Variants in ERCC6L2 observed in about 807,000 individuals in gnomAD.
The protein encoded by ERCC6L2 is ERCC excision repair 6 like 2.
A neutral mutation model predicts 132.0 loss-of-function variants in ERCC6L2; 77 were observed. That is an observed-to-expected ratio of 0.58 (90% confidence interval 0.49 to 0.71). ERCC6L2 has a LOEUF of 0.71. ERCC6L2 is among the 30% of genes least tolerant of loss of function. The pLI, the probability that ERCC6L2 is intolerant of heterozygous loss-of-function variation, is 0.00. For missense variants in ERCC6L2, 1,542 were observed against 1,837.6 expected (o/e 0.84, Z 2.94); for synonymous variants, 583 against 632.4 (o/e 0.92, Z 1.17).
chr9:95,918,254 GA>G, intron 6 of ERCC6L2: 4 of 438,464 alleles, frequency 9.1e-6, no homozygotes, highest in Admixed American at 2.4e-5. Flanking sequence ...GGTCTGGCTG[GA>G]AAAGACCCAC....
chr9:95,970,532 C>T (rs1832366471), intron 14 of ERCC6L2, 44 bp from the exon 15 acceptor site: 2 of 1,194,210 alleles, frequency 1.7e-6, no homozygotes. Context: ...TTGCTACCCC[C>T]TGTGTTGCAT....
Position 95,915,788 on chromosome 9 carries a change from C to T in ERCC6L2, c.909C>T (p.Ile303=), listed in dbSNP as rs921957617. The change falls in exon 5 of 19, where the codon ATC becomes ATT. Residue 303 remains isoleucine, a synonymous_variant. Transcript: ENST00000653738. ...TCCGCATTGGCCTCACTGGAACCATCCTTCAGAACAACATGAAGGAACTGT... is the reference window on the plus strand; with the variant it reads ...TCCGCATTGGCCTCACTGGAACCATTCTTCAGAACAACATGAAGGAACTGT... ...CNVRIGLTGT[I]LQNNMKELWC... is the part of the protein sequence containing the mutation. The T allele has an allele frequency of 6.2e-7, 1 of 1,613,198 alleles. No homozygotes were observed. Among genetic ancestry groups the T allele is most frequent in the South Asian group, 1.1e-5 (1 of 90,874 alleles).
intron 1 of ERCC6L2, chr9:95,877,029 G>A (rs1827309529): frequency 1.3e-5 from 2 of 152,236 alleles, no homozygotes; most frequent in Admixed American, 6.5e-5. Context: ...GGGCCCCGAG[G>A]TGGGAACACC....
intron 16 of ERCC6L2, among the ~76,000 whole-genome samples, chr9:95,973,753 G>A (rs1444702802): frequency 6.6e-6 from 1 of 152,048 alleles, no homozygotes; most frequent in Non-Finnish European, 1.5e-5. Context: ...ATTTGAGTGG[G>A]GACACAGCCA....
intron 17 of ERCC6L2, among the ~76,000 whole-genome samples, chr9:95,980,748 G>A (rs1205231565): frequency 1.3e-5 from 2 of 152,062 alleles, no homozygotes; most frequent in African/African-American, 4.8e-5. Context: ...AAAAAGTTAC[G>A]AGAAGAAAAG....
intron 20 of ERCC6L2, among the ~76,000 whole-genome samples, chr9:96,039,565 G>A (rs1834555222): frequency 6.6e-6 from 1 of 152,164 alleles, no homozygotes; most frequent in East Asian, 1.9e-4. Flanking sequence ...GACTTGGCTT[G>A]GGGAGAAAGA....
intron 19 of ERCC6L2, among the ~76,000 whole-genome samples, chr9:96,030,451 A>T (rs1834441858): frequency 6.6e-6 from 1 of 152,130 alleles, no homozygotes; most frequent in African/African-American, 2.4e-5. Flanking sequence ...TAATCCCAGC[A>T]CTTTGGGAGG....
Position 95,928,016 on chromosome 9 carries a change from T to G in ERCC6L2, c.1534-63T>G, listed in dbSNP as rs370228752. 4.8e-6 allele frequency: 5 copies of G among 1,046,714 alleles called. No individual in the cohort carries two copies. In the Middle Eastern group the frequency reaches 6.2e-4, roughly 130 times the overall value. 64.8% of individuals were successfully genotyped at this position (1,046,714 alleles called of 1,614,324 possible). On this transcript the variant is annotated intron_variant, in intron 9 of 18. Coordinates refer to ENST00000653738, the MANE Select transcript of ERCC6L2 (RefSeq NM_020207.7). ...TTTAAAGAAATTCTCAAGTGATGTTTATATGTATAAAGTGTACTTTTAGTT... is the reference window on the plus strand; with the variant it reads ...TTTAAAGAAATTCTCAAGTGATGTTGATATGTATAAAGTGTACTTTTAGTT...
intron 7 of ERCC6L2, among the ~76,000 whole-genome samples, chr9:95,921,921 T>A (rs1210271079): frequency 6.6e-6 from 1 of 152,170 alleles, no homozygotes; most frequent in Non-Finnish European, 1.5e-5. Flanking sequence ...CTACTTCCCT[T>A]TTTTGTAATA....
At chr9:95,970,721 C>T in intron 15 of ERCC6L2, 65 bp downstream of exon 15, 1 of 1,118,210 alleles carries the variant, frequency 8.9e-7, no homozygotes, top group Non-Finnish European at 1.1e-6. Context: ...AATTTTGTTT[C>T]TTTTCCTTTT....
intron 20 of ERCC6L2, among the ~76,000 whole-genome samples, chr9:96,039,695 G>C (rs1221540568): frequency 6.6e-6 from 1 of 152,152 alleles, no homozygotes; most frequent in Non-Finnish European, 1.5e-5. Flanking sequence ...CCCAAAGACA[G>C]GAGGCACAGC....
intron 3 of ERCC6L2, among the ~76,000 whole-genome samples, chr9:95,898,281 A>G (rs1339048086): frequency 1.3e-5 from 2 of 152,280 alleles, no homozygotes; most frequent in Non-Finnish European, 1.5e-5. Flanking sequence ...TACAGAATGT[A>G]TATGTAAAGT....
At chr9:96,032,291 C>G (rs896872319) in intron 19 of ERCC6L2, among the ~76,000 whole-genome samples, 1 of 152,226 alleles carries the variant, frequency 6.6e-6, no homozygotes, top group African/African-American at 2.4e-5. Flanking sequence ...CAGCTCCACT[C>G]ATGTTGGGCA....
At chr9:95,962,752 C>T (rs1488305061) in intron 13 of ERCC6L2, among the ~76,000 whole-genome samples, 1 of 152,104 alleles carries the variant, frequency 6.6e-6, no homozygotes, top group Non-Finnish European at 1.5e-5. Context: ...GAAGTATGTT[C>T]CTCTACTTAC....
intron 9 of ERCC6L2, among the ~76,000 whole-genome samples, chr9:95,924,043 C>A (rs1407333060): frequency 6.6e-6 from 1 of 152,174 alleles, no homozygotes; most frequent in Non-Finnish European, 1.5e-5. Context: ...CTCCTTGCAA[C>A]AACAGAGTTT....
intron 12 of ERCC6L2, among the ~76,000 whole-genome samples, chr9:95,943,034 CAG>C (rs983698853): frequency 1.3e-5 from 2 of 152,156 alleles, no homozygotes; most frequent in Middle Eastern, 3.4e-3. Context: ...AGAATGACAA[CAG>C]AATTGTCAAA....
At chr9:96,029,323 AC>A (rs139204282) in intron 19 of ERCC6L2, among the ~76,000 whole-genome samples, 3,944 of 141,576 alleles carry the variant, frequency 0.028, 62 homozygotes, top group East Asian at 0.12. Flanking sequence ...AAAAAAAAAA[AC>A]AAAAAAAAAA....
intron 2 of ERCC6L2, among the ~76,000 whole-genome samples, chr9:95,883,781 C>T (rs757791695): frequency 1.3e-5 from 2 of 152,226 alleles, no homozygotes; most frequent in South Asian, 2.1e-4. Context: ...TCTCTTGAAC[C>T]TGGGAGGCAG....
At chr9:95,991,257 A>T (rs1001012205) in intron 17 of ERCC6L2, among the ~76,000 whole-genome samples, 1 of 152,118 alleles carries the variant, frequency 6.6e-6, no homozygotes, top group African/African-American at 2.4e-5. Context: ...GCTCTTCTAT[A>T]TCACTAGTAG....
Sources: allele counts gnomAD v4.1 joint callset (sites outside exome capture counted in the v4.1 genomes callset), GRCh38; gene constraint gnomAD v4.1.1; transcripts MANE v1.5; gene names NCBI Gene and HGNC (gene_info 2026-07-23, HGNC 2026-07-21).